LARP4B: variants seen among roughly 807,000 people sequenced by gnomAD.
The protein encoded by LARP4B is La ribonucleoprotein 4B, also known as la-related protein 4B.
Under a neutral mutation model 89.8 loss-of-function variants are expected in LARP4B, and 12 were observed. That is an observed-to-expected ratio of 0.13 (90% CI 0.09 to 0.22). The LOEUF is 0.22. Ranked by LOEUF, LARP4B falls within the 10% of genes least tolerant of loss-of-function variation. LARP4B has a pLI of 1.00. For synonymous variants in LARP4B, 367 were observed against 363.3 expected (o/e 1.01, Z -0.12); for missense variants, 757 against 947.7 (o/e 0.80, Z 2.64).
the LARP4B span, among the ~76,000 whole-genome samples, chr10:977,963 G>A: frequency 1.1e-4 from 16 of 152,114 alleles, no homozygotes; most frequent in African/African-American, 3.6e-4. Flanking sequence ...CTTTAAAAGT[G>A]AGCCCCCCGC....
At chr10:877,246 G>A (rs1003133979) in intron 3 of LARP4B, among the ~76,000 whole-genome samples, 1 of 152,102 alleles carries the variant, frequency 6.6e-6, no homozygotes, top group African/African-American at 2.4e-5. Flanking sequence ...CTGGGTGTGG[G>A]GGCGCGTGTC....
chr10:982,530 A>G, the LARP4B span, among the ~76,000 whole-genome samples: 1 of 152,256 alleles, frequency 6.6e-6, no homozygotes, highest in East Asian at 1.9e-4. Context: ...TATCTAGATA[A>G]AGCCACATAT....
At chr10:854,714 T>C (rs890963373) in intron 5 of LARP4B, among the ~76,000 whole-genome samples, 2 of 152,188 alleles carry the variant, frequency 1.3e-5, no homozygotes, top group African/African-American at 2.4e-5. Flanking sequence ...AGCATCATTC[T>C]TATGGGCCCT....
At chr10:845,719 C>T (rs1833743142) in intron 5 of LARP4B, among the ~76,000 whole-genome samples, 1 of 152,184 alleles carries the variant, frequency 6.6e-6, no homozygotes, top group African/African-American at 2.4e-5. Flanking sequence ...GAATTTGGAG[C>T]TCTAGAAGAC....
intron 15 of LARP4B, among the ~76,000 whole-genome samples, chr10:817,359 T>G (rs545451684): frequency 3.9e-5 from 6 of 152,374 alleles, no homozygotes; most frequent in Non-Finnish European, 5.9e-5. Context: ...CTACACATTT[T>G]AATCATTTCC....
chr10:936,121 G>T (rs1007338136), upstream of LARP4B, among the ~76,000 whole-genome samples: 3 of 152,128 alleles, frequency 2.0e-5, no homozygotes, highest in Non-Finnish European at 4.4e-5. Context: ...CATTTTTGAT[G>T]ATTTAGGACT....
At chr10:884,297 G>C in intron 3 of LARP4B, 150 bp downstream of exon 3, 11 of 685,234 alleles carry the variant, frequency 1.6e-5, no homozygotes, top group Non-Finnish European at 2.6e-5. Context: ...ATACCCAGGG[G>C]TTGTGGTGAT....
intron 1 of LARP4B, among the ~76,000 whole-genome samples, chr10:925,615 C>T (rs896092848): frequency 2.0e-5 from 3 of 152,184 alleles, no homozygotes; most frequent in South Asian, 2.1e-4. Context: ...ATCACTGCAA[C>T]CTCTGCCTCC....
intron 5 of LARP4B, among the ~76,000 whole-genome samples, chr10:848,815 C>T (rs1833901339): frequency 6.6e-6 from 1 of 151,806 alleles, no homozygotes; most frequent in Admixed American, 6.6e-5. Context: ...CAGCCCTCAA[C>T]ACAGAGAAAA....
intron 3 of LARP4B, among the ~76,000 whole-genome samples, chr10:871,443 T>C (rs1835193268): frequency 6.6e-6 from 1 of 152,086 alleles, no homozygotes; most frequent in African/African-American, 2.4e-5. Flanking sequence ...CAGGTCTGTG[T>C]TGCAGCCTCA....
At chr10:957,372 G>A in the LARP4B span, among the ~76,000 whole-genome samples, 1 of 151,992 alleles carries the variant, frequency 6.6e-6, no homozygotes, top group Non-Finnish European at 1.5e-5. Flanking sequence ...CACTATGTTG[G>A]TCAGGCTGGT....
chr10:863,945 A>G, intron 4 of LARP4B, 62 bp from the exon 5 acceptor site: 2 of 1,575,358 alleles, frequency 1.3e-6, no homozygotes, highest in East Asian at 2.2e-5. Context: ...CTTAAAACAA[A>G]GCTTACACTT....
intron 5 of LARP4B, among the ~76,000 whole-genome samples, chr10:862,794 T>C (rs1017841708): frequency 1.6e-4 from 25 of 152,074 alleles, no homozygotes; most frequent in South Asian, 4.1e-4. Flanking sequence ...AGTTCCTGCA[T>C]TTCCAGTAAC....
intron 9 of LARP4B, 141 bp from the exon 10 acceptor site, chr10:829,875 C>G (rs891896708): frequency 3.1e-6 from 2 of 642,130 alleles, no homozygotes; most frequent in Non-Finnish European, 5.5e-6. Context: ...TCTTGACACT[C>G]CCTGGGTCAC....
At chr10:900,059 A>G (rs888338092) in intron 1 of LARP4B, among the ~76,000 whole-genome samples, 10 of 152,142 alleles carry the variant, frequency 6.6e-5, no homozygotes, top group African/African-American at 2.4e-4. Flanking sequence ...CAGAAGCACA[A>G]TCATGGCCAG....
In LARP4B at chr10:846,425, T is replaced by C. The variant is rs559645354; in HGVS notation, c.431-1370A>G. On this transcript the variant is annotated intron_variant, in intron 5 of 17. Coordinates refer to ENST00000316157, the MANE Select transcript of LARP4B (RefSeq NM_015155.3). Reference sequence around the variant, plus strand: ...AGACAGGAAGTGCCATATGATCTGATAGAGGAGGGGTGGGGCACACAGGAA... The same window carrying C: ...AGACAGGAAGTGCCATATGATCTGACAGAGGAGGGGTGGGGCACACAGGAA... 5.3e-5 allele frequency among the ~76,000 whole-genome samples: 8 copies of C among 151,884 alleles called. No individual in the cohort carries two copies. In the South Asian group the frequency reaches 1.2e-3, roughly 24 times the overall value.
At chr10:986,543 C>T in the LARP4B span, 1 of 152,246 alleles carries the variant, frequency 6.6e-6, no homozygotes, top group African/African-American at 2.4e-5. Context: ...GATGTTGATT[C>T]TCATCAACAC....
chr10:857,741 C>T (rs1016964528), intron 5 of LARP4B, among the ~76,000 whole-genome samples: 3 of 152,204 alleles, frequency 2.0e-5, no homozygotes, highest in Non-Finnish European at 4.4e-5. Flanking sequence ...GCTGATTGAG[C>T]TCATTCCTGA....
chr10:904,810 T>A (rs963741777), intron 1 of LARP4B, among the ~76,000 whole-genome samples: 3 of 152,122 alleles, frequency 2.0e-5, no homozygotes, highest in African/African-American at 7.2e-5. Context: ...TACTGCTGAG[T>A]ACTCCCATGC....
Sources: gnomAD v4.1 joint callset for allele counts (sites outside exome capture counted in the v4.1 genomes callset) on GRCh38, gnomAD v4.1.1 for gene constraint, MANE v1.5 for transcripts, NCBI Gene and HGNC (gene_info 2026-07-23, HGNC 2026-07-21) for gene names.